Variants in VWA8 observed in about 807,000 individuals in gnomAD.
The protein encoded by VWA8 is von Willebrand factor A domain-containing protein 8.
A neutral mutation model predicts 241.5 loss-of-function variants in VWA8; 221 were observed. The observed-to-expected ratio is 0.91, with a 90% CI of 0.82 to 1.02. The LOEUF is 1.02. VWA8 is among the 50% of genes least tolerant of loss of function. The pLI, the probability that VWA8 is intolerant of heterozygous loss-of-function variation, is 0.00. For missense variants in VWA8, 2,322 were observed against 2,328.7 expected (o/e 1.00, Z 0.06); for synonymous variants, 852 against 827.1 (o/e 1.03, Z -0.52).
intron 2 of VWA8, among the ~76,000 whole-genome samples, chr13:41,945,079 GA>G (rs1216099712): frequency 1.3e-5 from 2 of 152,140 alleles, no homozygotes; most frequent in Non-Finnish European, 2.9e-5. Context: ...CAAGCAGAAA[GA>G]AAAGGTTGAG....
intron 35 of VWA8, among the ~76,000 whole-genome samples, chr13:41,678,929 T>C (rs1436154845): frequency 6.6e-6 from 1 of 152,182 alleles, no homozygotes; most frequent in East Asian, 1.9e-4. Flanking sequence ...TAAAAATTGA[T>C]GTTTACTGAT....
At chr13:41,829,285 T>G (rs1048195204) in intron 14 of VWA8, among the ~76,000 whole-genome samples, 2 of 152,158 alleles carry the variant, frequency 1.3e-5, no homozygotes, top group African/African-American at 4.8e-5. Flanking sequence ...ACTTTTACAC[T>G]GCTGGTGGCA....
intron 40 of VWA8, among the ~76,000 whole-genome samples, chr13:41,597,771 C>T (rs2044497899): frequency 6.6e-6 from 1 of 152,002 alleles, no homozygotes; most frequent in Non-Finnish European, 1.5e-5. Context: ...CCTAGAAAAC[C>T]TGTTCTCTCT....
At chr13:41,763,324 G>A (rs192544457) in intron 20 of VWA8, among the ~76,000 whole-genome samples, 2,010 of 143,492 alleles carry the variant, frequency 0.014, 22 homozygotes, top group Middle Eastern at 0.057. Flanking sequence ...TAGATAGATA[G>A]ATAGATAGAT....
chr13:41,949,644 G>A (rs527616389), intron 2 of VWA8, among the ~76,000 whole-genome samples: 174 of 151,940 alleles, frequency 1.1e-3, no homozygotes, highest in African/African-American at 4.0e-3. Flanking sequence ...AAAAAGTTCT[G>A]TGCATTATAT....
chr13:41,625,942 T>A (rs528245230), intron 37 of VWA8, among the ~76,000 whole-genome samples: 1 of 151,796 alleles, frequency 6.6e-6, no homozygotes, highest in South Asian at 2.1e-4. Context: ...GGGACGTGGA[T>A]GAAGCTGGAA....
At chr13:41,573,122 A>AG (rs1420253556) in intron 43 of VWA8, among the ~76,000 whole-genome samples, 1 of 150,750 alleles carries the variant, frequency 6.6e-6, no homozygotes, top group Admixed American at 6.6e-5. Flanking sequence ...AAAAAAAAAA[A>AG]AAAAAGAAAC....
chr13:41,750,745 G>A (rs1207109436), intron 21 of VWA8, among the ~76,000 whole-genome samples: 1 of 152,168 alleles, frequency 6.6e-6, no homozygotes, highest in African/African-American at 2.4e-5. Flanking sequence ...TTATTGCTAA[G>A]ACTTCATCAG....
intron 19 of VWA8, among the ~76,000 whole-genome samples, chr13:41,779,150 T>C (rs1868774255): frequency 6.7e-6 from 1 of 148,996 alleles, no homozygotes. Context: ...TGCTTTCTTT[T>C]TTCAATTTCG....
At chr13:41,918,007 G>A (rs376420545) in intron 2 of VWA8, among the ~76,000 whole-genome samples, 2 of 152,138 alleles carry the variant, frequency 1.3e-5, no homozygotes, top group African/African-American at 4.8e-5. Context: ...ACATTCTGTA[G>A]TTAGATATAA....
In VWA8 at chr13:41,921,728, G is replaced by A. The variant is rs1013723263; in HGVS notation, c.242-9560C>T. ...AATACCTAGGAATCCAACTTACAAG[G>A]GATGTGAAGGACCTCTTCAAGGAGA... is the stretch of plus-strand genomic sequence containing the variant. On this transcript the variant is annotated intron_variant, in intron 2 of 44. Coordinates refer to ENST00000379310, the MANE Select transcript of VWA8 (RefSeq NM_015058.2). 3.3e-5 allele frequency among the ~76,000 whole-genome samples: 5 copies of A among 152,070 alleles called. No homozygotes were observed. The East Asian group carries it at 7.7e-4, about 23-fold the overall frequency.
chr13:41,800,632 CAA>C (rs11323563), intron 17 of VWA8, among the ~76,000 whole-genome samples: 12 of 149,268 alleles, frequency 8.0e-5, no homozygotes, highest in Non-Finnish European at 7.4e-5. Context: ...ACTAAAAATA[CAA>C]AAAAAAAAAT....
intron 17 of VWA8, among the ~76,000 whole-genome samples, chr13:41,795,992 A>C (rs1869684712): frequency 6.6e-6 from 1 of 152,184 alleles, no homozygotes; most frequent in Non-Finnish European, 1.5e-5. Context: ...AAATGCATCT[A>C]AAAATGATTC....
intron 12 of VWA8, among the ~76,000 whole-genome samples, chr13:41,837,322 C>T (rs375869274): frequency 1.3e-5 from 2 of 152,156 alleles, no homozygotes; most frequent in Admixed American, 6.6e-5. Flanking sequence ...TATTGAAAGA[C>T]AAACATTTCA....
rs1189167901 is a variant in VWA8, at chr13:41,691,411, G to A, written c.3775C>T (p.Arg1259Ter). 10 of 1,612,588 alleles carry A rather than the reference G, an allele frequency of 6.2e-6. No individual in the cohort carries two copies. Among genetic ancestry groups the A allele is most frequent in the Middle Eastern group, 1.7e-4 (1 of 6,052 alleles). Residue 1259 changes from arginine to a stop codon, truncating the protein, a stop_gained, in exon 32 of 45, where the codon CGA (arginine) becomes TGA (stop). Coordinates refer to ENST00000379310, the MANE Select transcript of VWA8 (RefSeq NM_015058.2). LOFTEE classifies it high-confidence loss of function. ...SLTVLDVLEG[R>*]THTISLPINL... is the part of the protein sequence containing the mutation. ...ATGGGAAGTGAGATGGTGTGAGTTCGCCCTTCTAGAACATCCAGCACAGTC... is the reference window on the plus strand; with the variant it reads ...ATGGGAAGTGAGATGGTGTGAGTTCACCCTTCTAGAACATCCAGCACAGTC...
At chr13:41,584,252 TAA>T (rs979417007) in intron 42 of VWA8, among the ~76,000 whole-genome samples, 51 of 152,212 alleles carry the variant, frequency 3.4e-4, no homozygotes, top group African/African-American at 1.2e-3. Flanking sequence ...GGAAAACAAA[TAA>T]GAGTCCTGGG....
chr13:41,569,378 G>GTGTT (rs999196348), intron 44 of VWA8, among the ~76,000 whole-genome samples: 1 of 152,232 alleles, frequency 6.6e-6, no homozygotes, highest in Non-Finnish European at 1.5e-5. Context: ...GGCATAGTTT[G>GTGTT]TGTTTGAGGA....
chr13:41,582,962 G>T (rs9594581), intron 42 of VWA8, among the ~76,000 whole-genome samples: 2,218 of 152,258 alleles, frequency 0.015, 62 homozygotes, highest in African/African-American at 0.05. Flanking sequence ...TTTATAGTCA[G>T]CCCTTTGCAT....
At chr13:41,840,280 GGGA>G (rs1366056509) in intron 12 of VWA8, among the ~76,000 whole-genome samples, 1 of 152,084 alleles carries the variant, frequency 6.6e-6, no homozygotes, top group African/African-American at 2.4e-5. Flanking sequence ...CATGGACACA[GGGA>G]GGAGAACATC....
Sources: gnomAD v4.1 joint callset for allele counts (sites outside exome capture counted in the v4.1 genomes callset) on GRCh38, gnomAD v4.1.1 for gene constraint, MANE v1.5 for transcripts, NCBI Gene and HGNC (gene_info 2026-07-23, HGNC 2026-07-21) for gene names.